Variants in PARP10 observed in about 807,000 individuals in gnomAD.
PARP10 encodes the protein poly(ADP-ribose) polymerase family member 10.
PARP10 carries 56 observed loss-of-function variants against 82.4 expected under a neutral mutation model. That is an observed-to-expected ratio of 0.68 (90% CI 0.55 to 0.85). The LOEUF is 0.85. PARP10 is among the 40% of genes least tolerant of loss of function. The probability of loss-of-function intolerance (pLI) is 0.00; values close to 1 mark genes in which losing one functional copy is unlikely to be tolerated. For synonymous variants in PARP10, 576 were observed against 601.1 expected, an observed-to-expected ratio of 0.96 and a Z score of 0.61; for missense variants, 1,227 against 1,379.4, an observed-to-expected ratio of 0.89 and a Z score of 1.75.
chr8:144,003,715 TA>T (rs371755194), intron 1 of PARP10, among the ~76,000 whole-genome samples: 269 of 151,830 alleles, frequency 1.8e-3, no homozygotes, highest in African/African-American at 6.2e-3. Context: ...CAACTCTACG[TA>T]AAAAAAGAGC....
At chr8:143,985,385 C>T (rs782327317) in intron 4 of PARP10, 27 bp downstream of exon 4, 8 of 1,595,578 alleles carry the variant, frequency 5.0e-6, no homozygotes, top group African/African-American at 2.7e-5. Context: ...GAGGGACGGT[C>T]GGCTGGGTCT....
At chr8:144,012,545 T>A in exon 1 of PARP10, 2 of 1,551,770 alleles carry the variant, frequency 1.3e-6, no homozygotes, top group Non-Finnish European at 1.7e-6. Context: ...ATGAAGGGCT[T>A]CGGCATCAGA....
In PARP10 at chr8:143,977,373, G is replaced by A; in HGVS notation, c.*111C>T. 3.7e-6 allele frequency: 4 copies of A among 1,071,324 alleles called. No homozygotes were observed. The South Asian group carries it at 6.6e-5, about 18-fold the overall frequency. 66.4% of individuals were successfully genotyped at this position (1,071,324 alleles called of 1,614,324 possible). A position where few individuals can be genotyped will look rare whatever the true frequency, so the allele number is the denominator to read the frequency against. On this transcript the variant is annotated 3_prime_UTR_variant, in exon 11 of 11. Coordinates refer to ENST00000313028, the MANE Select transcript of PARP10 (RefSeq NM_032789.5). ...CGCCTTCTGGAGCCCGCAGAGGGAG[G>A]CAGGGGCGTCCCCGGGGACAGCTCA... is the stretch of plus-strand genomic sequence containing the variant.
rs906769090 is a variant in PARP10, at chr8:143,977,244, G to A, written c.*240C>T. 5 of 530,272 alleles carry A rather than the reference G, an allele frequency of 9.4e-6. No individual in the cohort carries two copies. In the Admixed American group the frequency reaches 1.8e-4, roughly 19 times the overall value. The allele number at this position is 530,272 out of a possible 1,614,324, so 32.8% of individuals were successfully genotyped here. A position where few individuals can be genotyped will look rare whatever the true frequency, so the allele number is the denominator to read the frequency against. ...GGCGAGGTCTGGGAGCGGCGGGCGG[G>A]CGGTGTCGCCTCCTGGGCTCTGCTG... On this transcript the variant is annotated 3_prime_UTR_variant, in exon 11 of 11. Transcript: ENST00000313028.
chr8:143,987,672 C>A (rs1260134920), upstream of PARP10, among the ~76,000 whole-genome samples: 1 of 152,180 alleles, frequency 6.6e-6, no homozygotes, highest in African/African-American at 2.4e-5. Flanking sequence ...GCAGGTGGAT[C>A]ACGAGGTCAG....
chr8:144,006,762 A>G (rs1388098043), intron 1 of PARP10, among the ~76,000 whole-genome samples: 15 of 152,242 alleles, frequency 9.9e-5, no homozygotes, highest in Non-Finnish European at 1.5e-5. Context: ...ATGTGAGGAC[A>G]CGAGAATGCA....
At chr8:144,004,848 G>A (rs1272922929) in intron 1 of PARP10, among the ~76,000 whole-genome samples, 1 of 152,128 alleles carries the variant, frequency 6.6e-6, no homozygotes, top group African/African-American at 2.4e-5. Flanking sequence ...TGGGAGCAGG[G>A]CAGGCTCCTG....
rs782809190 is a variant in PARP10, at chr8:143,977,891, C to T, written c.2731+16G>A. On this transcript the variant is annotated intron_variant, in intron 10 of 10. Coordinates refer to ENST00000313028, the MANE Select transcript of PARP10 (RefSeq NM_032789.5). The stretch of plus-strand genomic sequence containing the variant: ...GGGTGCGCAGAGCCCCCGCCCCTGC[C>T]CGGCTCAGGCCTCACCGTTGCGGCC... The T allele has an allele frequency of 1.2e-6, 2 of 1,600,900 alleles. No homozygotes were observed. Among genetic ancestry groups the T allele is most frequent in the South Asian group, 2.2e-5 (2 of 90,650 alleles).
At chr8:143,978,370 CA>C (rs1445294320) in intron 9 of PARP10, among the ~76,000 whole-genome samples, 2 of 152,182 alleles carry the variant, frequency 1.3e-5, no homozygotes, top group East Asian at 3.9e-4. Context: ...AAAGCTGAGC[CA>C]GGGCCCTATG....
chr8:143,988,804 T>C (rs1435957784), upstream of PARP10: 1 of 152,254 alleles, frequency 6.6e-6, no homozygotes, highest in East Asian at 1.9e-4. Context: ...TCAAATTTTG[T>C]GAGCTTCTGC....
chr8:143,985,387 G>T, intron 4 of PARP10, 25 bp downstream of exon 4: 1 of 1,597,126 alleles, frequency 6.3e-7, no homozygotes, highest in South Asian at 1.1e-5. Context: ...GGGACGGTCG[G>T]CTGGGTCTGC....
chr8:144,012,571 G>C (rs1031131658), exon 1 of PARP10: 1 of 1,551,724 alleles, frequency 6.4e-7, no homozygotes, highest in Non-Finnish European at 8.7e-7. Flanking sequence ...AGGCTGGTGC[G>C]GGAAAATGAG....
chr8:144,010,538 G>A (rs1834268901), intron 1 of PARP10, among the ~76,000 whole-genome samples: 1 of 152,130 alleles, frequency 6.6e-6, no homozygotes, highest in Non-Finnish European at 1.5e-5. Context: ...CAATCTTCAG[G>A]CAGAATTCCT....
chr8:143,979,792 G>A (rs1239968372), intron 9 of PARP10, among the ~76,000 whole-genome samples: 9 of 152,126 alleles, frequency 5.9e-5, no homozygotes, highest in Non-Finnish European at 8.8e-5. Flanking sequence ...TTGGGAGGCC[G>A]AGGTGGGCGG....
At chr8:143,994,567 T>C (rs782467081), upstream of PARP10, among the ~76,000 whole-genome samples, 7 of 152,168 alleles carry the variant, frequency 4.6e-5, no homozygotes, top group African/African-American at 7.2e-5. Flanking sequence ...TCCTTTTGCC[T>C]CTCAGCCGGG....
intron 9 of PARP10, among the ~76,000 whole-genome samples, chr8:143,981,438 A>G (rs868923927): frequency 1.1e-3 from 44 of 40,372 alleles, no homozygotes; most frequent in South Asian, 3.8e-3. Flanking sequence ...GGTGGTGATG[A>G]TGGTGGTGAC....
Position 143,977,486 on chromosome 8 carries a change from A to G in PARP10, c.3076T>C (p.Ter1026GlnextTer?). ...SGLPGRSPDT* is the reference protein window; with the variant it reads ...SGLPGRSPDTQ ...AGGCCAGAGGGTGGCCCCTTCGGTTAAGTGTCTGGGGAGCGGCCCGGGAGC... is the reference window on the plus strand; with the variant it reads ...AGGCCAGAGGGTGGCCCCTTCGGTTGAGTGTCTGGGGAGCGGCCCGGGAGC... The change falls in exon 11 of 11, where the codon TAA (stop) becomes CAA (glutamine). Residue 1026 changes from the stop codon to glutamine, a stop_lost. Coordinates refer to ENST00000313028, the MANE Select transcript of PARP10 (RefSeq NM_032789.5). 1 of 1,544,652 alleles carries G rather than the reference A, an allele frequency of 6.5e-7. No individual in the cohort carries two copies. Among genetic ancestry groups the G allele is most frequent in the African/African-American group, 1.4e-5 (1 of 73,144 alleles).
chr8:144,005,140 C>T (rs1236542256), intron 1 of PARP10, among the ~76,000 whole-genome samples: 1 of 150,496 alleles, frequency 6.6e-6, no homozygotes, highest in Non-Finnish European at 1.5e-5. Flanking sequence ...GATTGCACCA[C>T]TGCACTGCAG....
chr8:143,986,495 G>A, upstream of PARP10: 1 of 1,425,286 alleles, frequency 7.0e-7, no homozygotes, highest in Non-Finnish European at 9.8e-7. Context: ...GGGAGCAGCT[G>A]GGCCCTGGGC....
Sources: gnomAD v4.1 joint callset for allele counts (sites outside exome capture counted in the v4.1 genomes callset) on GRCh38, gnomAD v4.1.1 for gene constraint, MANE v1.5 for transcripts, NCBI Gene and HGNC (gene_info 2026-07-23, HGNC 2026-07-21) for gene names.